GARIN6: variants seen among roughly 807,000 people sequenced by gnomAD.
The protein encoded by GARIN6 is golgi associated RAB2 interactor family member 6, also known as Golgi-associated RAB2 interactor protein 6.
the GARIN6 span, chr12:99,648,085 C>T: frequency 6.6e-7 from 1 of 1,517,502 alleles, no homozygotes; most frequent in Non-Finnish European, 8.8e-7. Flanking sequence ...GCCCACCTGC[C>T]AGAGTAGCCA....
the GARIN6 span, chr12:99,648,641 C>A: frequency 1.9e-6 from 3 of 1,614,208 alleles, no homozygotes. Flanking sequence ...TGTCCTCCAT[C>A]GGATGCAAGT....
At chr12:99,648,889 A>G in the GARIN6 span, 1 of 1,448,778 alleles carries the variant, frequency 6.9e-7, no homozygotes, top group Non-Finnish European at 9.1e-7. Flanking sequence ...TGGGAAATGC[A>G]TTGCATTTGG....
chr12:99,649,214 T>C, the GARIN6 span: 3 of 1,157,866 alleles, frequency 2.6e-6, no homozygotes, highest in African/African-American at 3.0e-5. Flanking sequence ...TAATTTCTTT[T>C]TGTTGTTTAC....
chr12:99,648,049 AG>A, the GARIN6 span: 1 of 1,357,300 alleles, frequency 7.4e-7, no homozygotes, highest in South Asian at 1.5e-5. Context: ...GGGACAAAAA[AG>A]AAAGCCTGCA....
At chr12:99,648,184 T>A in the GARIN6 span, 1 of 1,612,394 alleles carries the variant, frequency 6.2e-7, no homozygotes, top group Admixed American at 1.7e-5. Context: ...CATGGAGGAC[T>A]GCTGTATGCT....
At chr12:99,648,610 C>T in the GARIN6 span, 23 of 1,614,056 alleles carry the variant, frequency 1.4e-5, 1 homozygote, top group African/African-American at 8.0e-5. Flanking sequence ...TGCCACGGGC[C>T]GCTCTTTTTA....
chr12:99,648,143 C>A, the GARIN6 span: 1 of 1,582,322 alleles, frequency 6.3e-7, no homozygotes, highest in Non-Finnish European at 8.6e-7. Flanking sequence ...TGTGGAGCAG[C>A]TGCTGGGAAC....
the GARIN6 span, chr12:99,648,649 A>C: frequency 1.9e-6 from 3 of 1,614,046 alleles, no homozygotes; most frequent in African/African-American, 4.0e-5. Context: ...ATCGGATGCA[A>C]GTGAAGACCT....
At chr12:99,649,141 T>A in the GARIN6 span, 1 of 687,906 alleles carries the variant, frequency 1.5e-6, no homozygotes, top group Non-Finnish European at 2.6e-6. Context: ...GTAGGACGTG[T>A]CTCCCTGCAA....
chr12:99,648,759 T>G, the GARIN6 span: 2 of 1,613,048 alleles, frequency 1.2e-6, no homozygotes, highest in Non-Finnish European at 1.7e-6. Flanking sequence ...TGGACTCATC[T>G]GTGTTGGAGG....
At chr12:99,648,842 T>C in the GARIN6 span, 86 of 1,546,282 alleles carry the variant, frequency 5.6e-5, no homozygotes, top group Admixed American at 1.6e-4. Flanking sequence ...GGAGAGCAGG[T>C]ACAGGTCCTG....
At chr12:99,648,841 G>A in the GARIN6 span, 1 of 1,547,492 alleles carries the variant, frequency 6.5e-7, no homozygotes, top group East Asian at 2.3e-5. Context: ...GGGAGAGCAG[G>A]TACAGGTCCT....
At chr12:99,648,890 T>C in the GARIN6 span, 1 of 1,433,142 alleles carries the variant, frequency 7.0e-7, no homozygotes, top group Non-Finnish European at 9.3e-7. Context: ...GGGAAATGCA[T>C]TGCATTTGGA....
chr12:99,649,153 T>C, the GARIN6 span: 75 of 727,114 alleles, frequency 1.0e-4, no homozygotes, highest in Non-Finnish European at 1.6e-4. Context: ...TCCCTGCAAT[T>C]GCCACTTATA....
At chr12:99,648,260 A>C in the GARIN6 span, 16 of 1,614,096 alleles carry the variant, frequency 9.9e-6, no homozygotes, top group Non-Finnish European at 1.4e-5. Context: ...GGGAAGCTGC[A>C]GCGGCAACTG....
At chr12:99,648,824 G>A in the GARIN6 span, 19 of 1,578,350 alleles carry the variant, frequency 1.2e-5, no homozygotes, top group Non-Finnish European at 1.6e-5. Context: ...GGGCCTGGAT[G>A]CTTTGGGGGA....
chr12:99,648,785 C>T, the GARIN6 span: 1 of 1,609,160 alleles, frequency 6.2e-7, no homozygotes, highest in South Asian at 1.1e-5. Flanking sequence ...CAGAGGAGCC[C>T]AGTGGTGAGT....
chr12:99,648,434 T>C, the GARIN6 span: 1 of 1,614,230 alleles, frequency 6.2e-7, no homozygotes, highest in Non-Finnish European at 8.5e-7. Context: ...GATGTCATGC[T>C]GCTGGCCCGA....
At chr12:99,649,535 A>T in the GARIN6 span, 2 of 658,280 alleles carry the variant, frequency 3.0e-6, no homozygotes, top group Non-Finnish European at 5.2e-6. Flanking sequence ...GGTACCATGG[A>T]TGTGGCTGCA....
Sources: gnomAD v4.1 joint callset for allele counts on GRCh38, gnomAD v4.1.1 for gene constraint, MANE v1.5 for transcripts, NCBI Gene and HGNC (gene_info 2026-07-23, HGNC 2026-07-21) for gene names.